NPIPB2: variants seen among roughly 807,000 people sequenced by gnomAD.
NPIPB2 encodes nuclear pore complex interacting protein family member B2.
Under a neutral mutation model 30.8 loss-of-function variants are expected in NPIPB2, and 27 were observed. That is an observed-to-expected ratio of 0.88 (90% CI 0.65 to 1.21). The LOEUF (loss-of-function observed/expected upper bound fraction) is 1.21. NPIPB2 is among the 50% of genes most tolerant of loss of function. NPIPB2 has a pLI of 0.00. For missense variants in NPIPB2, 440 were observed against 446.2 expected (o/e 0.99, Z 0.13); for synonymous variants, 147 against 162.0 (o/e 0.91, Z 0.70).
intron 1 of NPIPB2, among the ~76,000 whole-genome samples, chr16:11,969,535 G>A (rs947222022): frequency 9.8e-5 from 15 of 152,326 alleles, no homozygotes; most frequent in East Asian, 9.6e-4. Context: ...GATTACAGGC[G>A]TGAGCCACTG....
chr16:11,948,630 A>G (rs1231643837), intron 1 of NPIPB2, among the ~76,000 whole-genome samples: 2 of 151,034 alleles, frequency 1.3e-5, no homozygotes, highest in Non-Finnish European at 3.0e-5. Context: ...AGCCGGGCGT[A>G]GTGGCGGGCG....
At chr16:11,942,086 C>T (rs1195461695), upstream of NPIPB2, 6 of 1,524,780 alleles carry the variant, frequency 3.9e-6, no homozygotes, top group Admixed American at 9.8e-5. Context: ...CCATCTCCAT[C>T]ACATCCATGT....
At chr16:11,972,227 T>G (rs958593295) in intron 1 of NPIPB2, among the ~76,000 whole-genome samples, 2 of 152,194 alleles carry the variant, frequency 1.3e-5, no homozygotes, top group African/African-American at 4.8e-5. Flanking sequence ...GTCATGCCAA[T>G]GAAGCCTCCA....
intron 1 of NPIPB2, among the ~76,000 whole-genome samples, chr16:11,941,611 AG>A (rs138020956): frequency 0.47 from 71,770 of 151,120 alleles, 17,972 homozygotes; most frequent in East Asian, 0.74. Flanking sequence ...AGGGAGACAA[AG>A]GTTCTGCTAT....
At chr16:11,935,621 A>G (rs1450224597) in intron 2 of NPIPB2, among the ~76,000 whole-genome samples, 1 of 151,980 alleles carries the variant, frequency 6.6e-6, no homozygotes, top group African/African-American at 2.4e-5. Context: ...GCCTGAAATA[A>G]TATCTTTCAA....
intron 1 of NPIPB2, 42 bp from the exon 2 acceptor site, chr16:11,937,710 C>T (rs1411552933): frequency 6.3e-6 from 10 of 1,592,778 alleles, no homozygotes; most frequent in East Asian, 2.2e-5. Context: ...GTCAATGACA[C>T]TGACAATATT....
chr16:11,971,058 T>C (rs1393923227), intron 1 of NPIPB2, among the ~76,000 whole-genome samples: 2 of 150,278 alleles, frequency 1.3e-5, no homozygotes, highest in African/African-American at 4.9e-5. Flanking sequence ...AGTTTCGCCA[T>C]GTTGCCAAGG....
At chr16:11,966,298 G>T (rs746848257) in intron 1 of NPIPB2, 1 of 1,613,980 alleles carries the variant, frequency 6.2e-7, no homozygotes, top group South Asian at 1.1e-5. Flanking sequence ...TTTTGCTAAG[G>T]AAGATAAACT....
chr16:11,967,872 C>A, intron 1 of NPIPB2: 1 of 1,603,224 alleles, frequency 6.2e-7, no homozygotes, highest in Non-Finnish European at 8.5e-7. Context: ...TCGAGCAGTG[C>A]CACTTTAAAA....
intron 1 of NPIPB2, among the ~76,000 whole-genome samples, chr16:11,957,921 G>C (rs1283727875): frequency 1.3e-5 from 2 of 152,106 alleles, no homozygotes; most frequent in African/African-American, 4.8e-5. Context: ...ATCTCCTTTT[G>C]GTTCTATTTC....
At chr16:11,935,753 C>T (rs2054857237) in intron 2 of NPIPB2, among the ~76,000 whole-genome samples, 1 of 138,102 alleles carries the variant, frequency 7.2e-6, no homozygotes, top group African/African-American at 2.8e-5. Flanking sequence ...CACGTCAATC[C>T]CACAGCTACT....
chr16:11,952,941 C>T (rs937679841), intron 1 of NPIPB2, among the ~76,000 whole-genome samples: 7 of 152,082 alleles, frequency 4.6e-5, no homozygotes, highest in Non-Finnish European at 1.0e-4. Context: ...TATTTGGGAT[C>T]TCTCTGCCCC....
upstream of NPIPB2, among the ~76,000 whole-genome samples, chr16:11,944,528 C>T (rs989199766): frequency 6.0e-5 from 9 of 150,020 alleles, no homozygotes; most frequent in African/African-American, 1.7e-4. Flanking sequence ...TTTGGGAGGC[C>T]GAGGCGGGTG....
At chr16:11,964,535 C>T (rs2055178491) in intron 1 of NPIPB2, among the ~76,000 whole-genome samples, 1 of 152,026 alleles carries the variant, frequency 6.6e-6, no homozygotes, top group South Asian at 2.1e-4. Context: ...CTGCCTCAGC[C>T]TCCTGAGTAG....
chr16:11,973,074 C>T (rs762366871), intron 1 of NPIPB2, among the ~76,000 whole-genome samples: 4 of 147,068 alleles, frequency 2.7e-5, no homozygotes, highest in Non-Finnish European at 6.0e-5. Context: ...GCAGGAGACT[C>T]GCTTGAACCT....
Position 11,954,087 on chromosome 16 carries a change from G to A in NPIPB2, c.-583-11973C>T, listed in dbSNP as rs2055090408. Among the ~76,000 whole-genome samples, 4 of 151,158 alleles carry A rather than the reference G, an allele frequency of 2.6e-5. No individual in the cohort carries two copies. In the East Asian group the frequency reaches 7.7e-4, roughly 29 times the overall value. The stretch of plus-strand genomic sequence containing the variant: ...CAGTCTTTTATTAATAGGCATTTTG[G>A]TTATTTCCAATTTTTTTTTGCAGTT... On this transcript the variant is annotated intron_variant, in intron 1 of 5. Transcript: ENST00000538896.
chr16:11,975,142 T>TTTTCTTTTTC (rs1491424798), intron 1 of NPIPB2, among the ~76,000 whole-genome samples: 1 of 2,932 alleles, frequency 3.4e-4, no homozygotes, highest in Non-Finnish European at 2.5e-3. Context: ...ATCCATCACC[T>TTTTCTTTTTC]TTTTTTTTTT....
chr16:11,949,480 C>T (rs1466938236), intron 1 of NPIPB2, among the ~76,000 whole-genome samples: 1 of 152,216 alleles, frequency 6.6e-6, no homozygotes, highest in East Asian at 1.9e-4. Context: ...AGATCTTCAT[C>T]TCCTCTTGCC....
chr16:11,954,427 A>T (rs1238650147), intron 1 of NPIPB2, among the ~76,000 whole-genome samples: 1 of 151,432 alleles, frequency 6.6e-6, no homozygotes, highest in Non-Finnish European at 1.5e-5. Context: ...ACAGTGAGTT[A>T]TGATTGCACC....
Sources: gnomAD v4.1 joint callset for allele counts (sites outside exome capture counted in the v4.1 genomes callset) on GRCh38, gnomAD v4.1.1 for gene constraint, MANE v1.5 for transcripts, NCBI Gene and HGNC (gene_info 2026-07-23, HGNC 2026-07-21) for gene names.